MYH10: variants seen among roughly 807,000 people sequenced by gnomAD.
MYH10 encodes myosin-10.
Under a neutral mutation model 257.8 loss-of-function variants are expected in MYH10, and 55 were observed. That is an observed-to-expected ratio of 0.21 (90% CI 0.17 to 0.27). The LOEUF (loss-of-function observed/expected upper bound fraction) is 0.27. Ranked by LOEUF, MYH10 falls within the 10% of genes least tolerant of loss-of-function variation. The pLI, the probability that MYH10 is intolerant of heterozygous loss-of-function variation, is 1.00. For synonymous variants in MYH10, 854 were observed against 921.7 expected (o/e 0.93, Z 1.33); for missense variants, 1,631 against 2,500.6 (o/e 0.65, Z 7.42).
chr17:8,595,425 CTTTTTTTTT>C (rs10664342), intron 3 of MYH10, among the ~76,000 whole-genome samples: 64 of 84,174 alleles, frequency 7.6e-4, no homozygotes, highest in Admixed American at 1.1e-3. Context: ...AAGAACAGTT[CTTTTTTTTT>C]TTTTTTTTTT....
Position 8,521,255 on chromosome 17 carries a change from G to C in MYH10, c.1988C>G (p.Thr663Ser), listed in dbSNP as rs1486706157. Residue 663 changes from threonine to serine, a missense_variant, in exon 18 of 43, where the codon ACT becomes AGT. Physicochemically the swap from Thr to Ser is moderately conservative, Grantham distance 58 (BLOSUM62 1). Transcript: ENST00000360416. ...VDRIVGLDQVTGMTETAFGSA... is the reference protein window; with the variant it reads ...VDRIVGLDQVSGMTETAFGSA... ...GCCAAAAGCTGTCTCAGTCATACCAGTGACTTGATCCAGACCCACGATACG... is the reference window on the plus strand; with the variant it reads ...GCCAAAAGCTGTCTCAGTCATACCACTGACTTGATCCAGACCCACGATACG... The C allele has an allele frequency of 3.1e-6, 5 of 1,614,186 alleles. No individual in the cohort carries two copies. The highest frequency in any genetic ancestry group is 3.3e-5 in the Admixed American group (2 of 60,016).
At chr17:8,623,710 T>C (rs1398477364) in intron 1 of MYH10, among the ~76,000 whole-genome samples, 24 of 152,000 alleles carry the variant, frequency 1.6e-4, no homozygotes, top group Non-Finnish European at 8.8e-5. Context: ...AAACACATGA[T>C]TGTCAGAAGA....
intron 1 of MYH10, among the ~76,000 whole-genome samples, chr17:8,628,818 A>G (rs915356457): frequency 2.0e-5 from 3 of 152,132 alleles, no homozygotes; most frequent in Non-Finnish European, 4.4e-5. Flanking sequence ...CCACCCTACA[A>G]CGTGCCCTTC....
intron 37 of MYH10, 72 bp downstream of exon 37, chr17:8,484,065 AC>A (rs1164989171): frequency 3.3e-5 from 46 of 1,404,872 alleles, no homozygotes; most frequent in Non-Finnish European, 4.2e-5. Flanking sequence ...AAATATATTA[AC>A]TTTTTTTTGA....
intron 3 of MYH10, among the ~76,000 whole-genome samples, chr17:8,592,933 C>CCATATATATATATGTATA (rs1555612260): frequency 4.5e-5 from 2 of 44,712 alleles, no homozygotes; most frequent in African/African-American, 6.2e-5. Flanking sequence ...TCAAATCCAG[C>CCATATATATATATGTATA]TATATATATA....
Position 8,592,963 on chromosome 17 carries a change from ATATATAT to A in MYH10, c.503-3862_503-3856del, listed in dbSNP as rs1567953186. Among the ~76,000 whole-genome samples, 16 of 124,448 alleles carry A rather than the reference ATATATAT, an allele frequency of 1.3e-4. 2 individuals are homozygous for A. The highest frequency in any genetic ancestry group is 4.2e-4 in the African/African-American group (15 of 35,722). The allele number at this position is 124,448 out of a possible 152,430, so 81.6% of individuals were successfully genotyped here. A position where few individuals can be genotyped will look rare whatever the true frequency, so the allele number is the denominator to read the frequency against. ...TATATATATATATATATATATATAT[ATATATAT>A]AAAAGATGATGCACAGAAAGAACAA... On this transcript the variant is annotated intron_variant, in intron 3 of 42. Transcript: ENST00000360416.
intron 37 of MYH10, among the ~76,000 whole-genome samples, chr17:8,482,221 T>C (rs1312036475): frequency 2.0e-5 from 3 of 152,194 alleles, no homozygotes; most frequent in African/African-American, 7.2e-5. Flanking sequence ...GGGTTCCTAC[T>C]CCCTGTCCAG....
intron 7 of MYH10, among the ~76,000 whole-genome samples, chr17:8,568,329 G>A (rs12600834): frequency 0.5 from 76,520 of 151,894 alleles, 20,242 homozygotes; most frequent in Middle Eastern, 0.62. Flanking sequence ...CTTTTATATC[G>A]CAGCCCTAGT....
At chr17:8,613,178 T>C (rs1398039880) in intron 2 of MYH10, among the ~76,000 whole-genome samples, 1 of 152,060 alleles carries the variant, frequency 6.6e-6, no homozygotes, top group African/African-American at 2.4e-5. Flanking sequence ...CCCGATGCAA[T>C]GGCATTTTCA....
rs199651157 is a variant in MYH10 at position 8,535,355 on chromosome 17, A to C, written c.1894+32T>G. ...ACCTTAATTATAAAAGATTCCAGCC[A>C]AGCATGATTACAAAGATAAGCACTT... On this transcript the variant is annotated intron_variant, in intron 16 of 42. Transcript: ENST00000360416. This position sits in a 1 kb window ranked among gnomAD's most constrained non-coding sequence, Gnocchi z 4.3. 1 of 1,515,786 alleles carries C rather than the reference A, an allele frequency of 6.6e-7. No individual in the cohort carries two copies. Among genetic ancestry groups the C allele is most frequent in the East Asian group, 2.3e-5 (1 of 44,296 alleles). The allele number at this position is 1,515,786 out of a possible 1,614,324, so 93.9% of individuals were successfully genotyped here.
rs369409798 is a variant in MYH10 at position 8,513,524 on chromosome 17, G to A, written c.2745+14C>T. The A allele has an allele frequency of 6.2e-7, 1 of 1,613,428 alleles. No homozygotes were observed. Among genetic ancestry groups the A allele is most frequent in the Non-Finnish European group, 8.5e-7 (1 of 1,179,782 alleles). On this transcript the variant is annotated intron_variant, in intron 23 of 42. Transcript: ENST00000360416. ...TTCAGGGCCAAGTGTGAGTTACAAGGTCACTGCACACACCTGCTGGTGCTT... is the reference window on the plus strand; with the variant it reads ...TTCAGGGCCAAGTGTGAGTTACAAGATCACTGCACACACCTGCTGGTGCTT...
rs1416872092 is a variant in MYH10, at chr17:8,569,376, G to C, written c.756+344C>G. 6.6e-6 allele frequency among the ~76,000 whole-genome samples: 1 copy of C among 152,152 alleles called. No individual in the cohort carries two copies. Among genetic ancestry groups the C allele is most frequent in the African/African-American group, 2.4e-5 (1 of 41,420 alleles). ...TAGTGCCGGGCTAAGTGCTCAGCGT[G>C]CACACCATTTATTCTCTACTCCGAT... On this transcript the variant is annotated intron_variant, in intron 7 of 42. Coordinates refer to ENST00000360416, the MANE Select transcript of MYH10 (RefSeq NM_001256012.3). The surrounding 1 kb of genome is among the most constrained non-coding windows in gnomAD (Gnocchi z 4.1).
chr17:8,581,957 A>T (rs999280346), intron 4 of MYH10, among the ~76,000 whole-genome samples: 2 of 152,200 alleles, frequency 1.3e-5, no homozygotes, highest in Non-Finnish European at 2.9e-5. Flanking sequence ...GGCTCAGTTT[A>T]TATGCCTTTA....
chr17:8,620,112 A>G (rs1226965018), intron 2 of MYH10, among the ~76,000 whole-genome samples: 1 of 152,222 alleles, frequency 6.6e-6, no homozygotes, highest in Non-Finnish European at 1.5e-5. Flanking sequence ...ACAGCCATAT[A>G]TTGAACCCTA....
At chr17:8,483,861 G>A (rs765414490) in intron 37 of MYH10, among the ~76,000 whole-genome samples, 1 of 152,218 alleles carries the variant, frequency 6.6e-6, no homozygotes, top group Non-Finnish European at 1.5e-5. Context: ...AGGGGAACAG[G>A]CCAAGAAGGT....
rs2081429270 is a variant in MYH10, at chr17:8,515,305, ATC to A, written c.2505-1413_2505-1412del. On this transcript the variant is annotated intron_variant, in intron 21 of 42. Transcript: ENST00000360416. ...TTCATTCACTCCAGCAAACAGCGGT[ATC>A]AGGAGTGGGAGTGTCTTAAGAAAAG... Among the ~76,000 whole-genome samples the A allele has an allele frequency of 2.0e-5, 3 of 152,314 alleles. No individual in the cohort carries two copies. The East Asian group carries it at 5.8e-4, about 29-fold the overall frequency.
chr17:8,508,424 C>T (rs2081146004), intron 26 of MYH10, 130 bp downstream of exon 26: 2 of 1,329,972 alleles, frequency 1.5e-6, no homozygotes, highest in South Asian at 1.4e-5. Flanking sequence ...TTTAATAAGT[C>T]AACCCAAACT....
intron 2 of MYH10, among the ~76,000 whole-genome samples, chr17:8,618,096 T>C (rs2085334103): frequency 6.6e-6 from 1 of 152,190 alleles, no homozygotes; most frequent in Non-Finnish European, 1.5e-5. Flanking sequence ...CAGTCTACTG[T>C]AATACGTTGT....
intron 1 of MYH10, among the ~76,000 whole-genome samples, chr17:8,625,815 A>G (rs2085653876): frequency 6.6e-6 from 1 of 152,190 alleles, no homozygotes; most frequent in Non-Finnish European, 1.5e-5. Flanking sequence ...ACAAGTTCCC[A>G]GATGCTGCTG....
Sources: allele counts gnomAD v4.1 joint callset (sites outside exome capture counted in the v4.1 genomes callset), GRCh38; gene constraint gnomAD v4.1.1; non-coding constraint Gnocchi (gnomAD v3.1); transcripts MANE v1.5; gene names NCBI Gene and HGNC (gene_info 2026-07-23, HGNC 2026-07-21).